The following FBRSL1 variants were observed in gnomAD, a reference collection of about 807,000 sequenced individuals.
FBRSL1 encodes fibrosin-1-like protein.
FBRSL1 carries 51 observed loss-of-function variants against 89.6 expected under a neutral mutation model. The observed-to-expected ratio is 0.57, with a 90% confidence interval of 0.45 to 0.72. The LOEUF (loss-of-function observed/expected upper bound fraction) is 0.72, where lower values mean the gene tolerates loss of function less well. Among genes scored for constraint, FBRSL1 ranks in the 30% least tolerant of loss-of-function variants. The probability of loss-of-function intolerance (pLI) is 0.00; values close to 1 mark genes in which losing one functional copy is unlikely to be tolerated. For synonymous variants in FBRSL1, 779 were observed against 681.1 expected, an observed-to-expected ratio of 1.14 and a Z score of -2.24; for missense variants, 1,618 against 1,451.8, an observed-to-expected ratio of 1.11 and a Z score of -1.86.
At chr12:132,513,927 G>C (rs181649476) in intron 2 of FBRSL1, among the ~76,000 whole-genome samples, 10 of 152,110 alleles carry the variant, frequency 6.6e-5, no homozygotes, top group Admixed American at 3.9e-4. Flanking sequence ...CAGCATCCAC[G>C]CCTGGTGTGT....
chr12:132,536,129 T>G (rs1484989038), intron 4 of FBRSL1, among the ~76,000 whole-genome samples: 1 of 149,634 alleles, frequency 6.7e-6, no homozygotes, highest in Admixed American at 6.6e-5. Context: ...GTGTGCCATG[T>G]GTACATGATG....
intron 4 of FBRSL1, among the ~76,000 whole-genome samples, chr12:132,532,701 G>A (rs2036390201): frequency 1.4e-5 from 2 of 142,692 alleles, no homozygotes; most frequent in South Asian, 5.2e-4. Context: ...CCCAGGCGGG[G>A]TGTTAAGCGC....
At chr12:132,543,266 T>G (rs1286843199) in intron 4 of FBRSL1, among the ~76,000 whole-genome samples, 1 of 152,216 alleles carries the variant, frequency 6.6e-6, no homozygotes, top group African/African-American at 2.4e-5. Context: ...TCTCTGCAGA[T>G]GAGGAAACAG....
chr12:132,568,063 G>A (rs1373241929), intron 6 of FBRSL1, among the ~76,000 whole-genome samples: 1 of 148,426 alleles, frequency 6.7e-6, no homozygotes, highest in Admixed American at 6.6e-5. Context: ...CGTCTTAGGG[G>A]CCTTCGTAAC....
chr12:132,525,463 C>T (rs527968104), intron 2 of FBRSL1, among the ~76,000 whole-genome samples: 6 of 152,306 alleles, frequency 3.9e-5, no homozygotes, highest in East Asian at 1.9e-4. Context: ...AGGTCCTCCC[C>T]GTCCTGGTAG....
At chr12:132,582,562 T>C (rs1168148107) in intron 18 of FBRSL1, among the ~76,000 whole-genome samples, 1 of 151,522 alleles carries the variant, frequency 6.6e-6, no homozygotes, top group African/African-American at 2.4e-5. Context: ...GCCTGGGCCC[T>C]GGGGCTAGGA....
At chr12:132,558,635 C>T (rs1398823782) in intron 5 of FBRSL1, among the ~76,000 whole-genome samples, 3 of 152,238 alleles carry the variant, frequency 2.0e-5, no homozygotes, top group Admixed American at 6.5e-5. Flanking sequence ...CCTTCTATAC[C>T]GTTGGAGGCA....
intron 11 of FBRSL1, among the ~76,000 whole-genome samples, chr12:132,573,197 C>T (rs1199557465): frequency 6.6e-6 from 1 of 152,208 alleles, no homozygotes; most frequent in Admixed American, 6.5e-5. Flanking sequence ...AGTCCTGAAG[C>T]CGCCTCACCT....
chr12:132,523,879 G>C (rs1215449164), intron 2 of FBRSL1, among the ~76,000 whole-genome samples: 2 of 152,212 alleles, frequency 1.3e-5, no homozygotes, highest in African/African-American at 4.8e-5. Context: ...GAGGTGGACA[G>C]AACCCCTGAT....
chr12:132,545,342 C>T (rs2037603126), intron 4 of FBRSL1, among the ~76,000 whole-genome samples: 1 of 152,372 alleles, frequency 6.6e-6, no homozygotes, highest in Admixed American at 6.5e-5. Flanking sequence ...TCCTTTTCTC[C>T]TCGCCCTGAT....
At chr12:132,519,747 A>G (rs2035178509) in intron 2 of FBRSL1, among the ~76,000 whole-genome samples, 2 of 152,282 alleles carry the variant, frequency 1.3e-5, no homozygotes, top group South Asian at 4.1e-4. Context: ...CATCTCTACT[A>G]AAAATACAAA....
intron 2 of FBRSL1, chr12:132,509,939 C>T: frequency 5.7e-6 from 7 of 1,231,380 alleles, no homozygotes; most frequent in Non-Finnish European, 7.1e-6. Context: ...GTCAGTACGG[C>T]CAGCCCCGAA....
intron 5 of FBRSL1, among the ~76,000 whole-genome samples, chr12:132,555,732 T>C (rs920912838): frequency 6.6e-5 from 10 of 152,186 alleles, no homozygotes; most frequent in East Asian, 5.8e-4. Context: ...CGTCCTCACA[T>C]GGCCCCTCCT....
intron 4 of FBRSL1, among the ~76,000 whole-genome samples, chr12:132,531,445 T>C (rs1351831903): frequency 6.6e-6 from 1 of 152,150 alleles, no homozygotes; most frequent in Non-Finnish European, 1.5e-5. Context: ...GTGCCTGTCC[T>C]GTGTGCAGCT....
intron 4 of FBRSL1, among the ~76,000 whole-genome samples, chr12:132,547,212 G>A (rs1007765951): frequency 6.7e-6 from 1 of 148,622 alleles, no homozygotes; most frequent in Non-Finnish European, 1.5e-5. Flanking sequence ...AGAACGGACA[G>A]TCAGTGTGTT....
chr12:132,507,221 C>T, intron 1 of FBRSL1: 2 of 985,552 alleles, frequency 2.0e-6, no homozygotes. Flanking sequence ...GGGTTCTGTC[C>T]TGGGCTTCAC....
In FBRSL1 at chr12:132,571,221, G is replaced by A. The variant is rs1234116887; in HGVS notation, c.1367G>A (p.Arg456Gln). 15 of 1,451,566 alleles carry A rather than the reference G, an allele frequency of 1.0e-5. No individual in the cohort carries two copies. The highest frequency in any genetic ancestry group is 2.8e-5 in the South Asian group (2 of 70,726). 89.9% of individuals were successfully genotyped at this position (1,451,566 alleles called of 1,614,324 possible). The change falls in exon 9 of 19, where the codon CGG becomes CAG. Residue 456 changes from arginine (R) to glutamine (Q), a missense_variant. By Grantham distance (43) the Arg-to-Gln change is conservative. Transcript: ENST00000680143. ...SGHPGLACRP[R>Q]ECQFDKYAPK... ...CACCCCGGCTTGGCCTGCCGACCCCGGGAGTGCCAGGTGACTATCCGCCTC... is the reference window on the plus strand; with the variant it reads ...CACCCCGGCTTGGCCTGCCGACCCCAGGAGTGCCAGGTGACTATCCGCCTC...
chr12:132,534,593 C>T (rs1005991703), intron 4 of FBRSL1, among the ~76,000 whole-genome samples: 2 of 152,272 alleles, frequency 1.3e-5, no homozygotes, highest in Admixed American at 6.5e-5. Flanking sequence ...GCTCTTTTAT[C>T]TCCTGTTTTG....
intron 1 of FBRSL1, among the ~76,000 whole-genome samples, chr12:132,498,221 C>G (rs1208764320): frequency 6.6e-6 from 1 of 152,164 alleles, no homozygotes; most frequent in African/African-American, 2.4e-5. Flanking sequence ...CTCTCCGGGC[C>G]CCTCGCTCAC....
Sources: gnomAD v4.1 joint callset for allele counts (sites outside exome capture counted in the v4.1 genomes callset) on GRCh38, gnomAD v4.1.1 for gene constraint, MANE v1.5 for transcripts, NCBI Gene and HGNC (gene_info 2026-07-23, HGNC 2026-07-21) for gene names.